The following GRIK2 variants were observed in gnomAD, a reference collection of about 807,000 sequenced individuals.
GRIK2 encodes the protein glutamate ionotropic receptor kainate type subunit 2.
In GRIK2, 32 loss-of-function variants were observed where a neutral mutation model predicts 100.3. That is an observed-to-expected ratio of 0.32 (90% CI 0.24 to 0.43). The LOEUF (loss-of-function observed/expected upper bound fraction) is 0.43, where lower values mean the gene tolerates loss of function less well. GRIK2 is among the 20% of genes least tolerant of loss of function. The pLI is 1.00. For synonymous variants in GRIK2, 417 were observed against 389.4 expected (o/e 1.07, Z -0.83); for missense variants, 843 against 1,114.9 (o/e 0.76, Z 3.47).
intron 10 of GRIK2, among the ~76,000 whole-genome samples, chr6:101,846,007 GT>G (rs141274825): frequency 5.7e-4 from 83 of 146,154 alleles, no homozygotes; most frequent in Non-Finnish European, 9.4e-4. Context: ...AAACAGCATT[GT>G]TTTTTTTTTG....
intron 16 of GRIK2, among the ~76,000 whole-genome samples, chr6:102,059,353 T>C (rs1419279774): frequency 1.3e-5 from 2 of 151,320 alleles, no homozygotes; most frequent in Non-Finnish European, 3.0e-5. Context: ...CATCTGAATG[T>C]GTCTGAAAAG....
intron 7 of GRIK2, among the ~76,000 whole-genome samples, chr6:101,771,328 C>T (rs551303518): frequency 1.3e-4 from 20 of 151,518 alleles, no homozygotes; most frequent in African/African-American, 4.6e-4. Flanking sequence ...ATTTAAATTT[C>T]TATTTGAATT....
Position 101,453,484 on chromosome 6 carries a change from C to T in GRIK2, c.115+54092C>T, listed in dbSNP as rs73502688. Among the ~76,000 whole-genome samples the T allele has an allele frequency of 5.5e-3, 837 of 151,954 alleles. 10 individuals are homozygous for T. Among genetic ancestry groups the T allele is most frequent in the African/African-American group, 0.019 (768 of 41,474 alleles). On this transcript the variant is annotated intron_variant, in intron 2 of 16. Transcript: ENST00000369134. Reference sequence around the variant, plus strand: ...AAATATTCATGTTATGCTCTTATTACGGTTTAGAGAAATGTGAAACCATTT... The same window carrying T: ...AAATATTCATGTTATGCTCTTATTATGGTTTAGAGAAATGTGAAACCATTT...
intron 12 of GRIK2, among the ~76,000 whole-genome samples, chr6:101,908,459 T>G (rs915520680): frequency 2.0e-5 from 3 of 151,294 alleles, no homozygotes; most frequent in African/African-American, 7.3e-5. Flanking sequence ...TTGTAGTCAA[T>G]TTACCTATTC....
intron 2 of GRIK2, among the ~76,000 whole-genome samples, chr6:101,434,666 A>T (rs1769613664): frequency 6.6e-6 from 1 of 152,040 alleles, no homozygotes; most frequent in Admixed American, 6.6e-5. Context: ...CTGGAATGAG[A>T]CCAATCCTTT....
chr6:101,497,907 T>C (rs922822949), intron 2 of GRIK2, among the ~76,000 whole-genome samples: 36 of 151,996 alleles, frequency 2.4e-4, no homozygotes, highest in Non-Finnish European at 4.7e-4. Context: ...AGGGAACATA[T>C]GCACAATGTG....
Position 101,509,467 on chromosome 6 carries a change from A to G in GRIK2, c.115+110075A>G, listed in dbSNP as rs910690676. Among the ~76,000 whole-genome samples the G allele has an allele frequency of 3.9e-5, 6 of 152,312 alleles. No homozygotes were observed. The East Asian group carries it at 5.8e-4, about 15-fold the overall frequency. On this transcript the variant is annotated intron_variant, in intron 2 of 16. Coordinates refer to ENST00000369134, the MANE Select transcript of GRIK2 (RefSeq NM_021956.5). ...GAAAGTGTTTCAAGACAGCTCTCCA[A>G]TTCAACTCATAGAAAATATCTTTTG...
At chr6:101,664,770 CT>C (rs1302234710) in intron 4 of GRIK2, among the ~76,000 whole-genome samples, 1 of 152,126 alleles carries the variant, frequency 6.6e-6, no homozygotes, top group African/African-American at 2.4e-5. Context: ...GTTTAATGGA[CT>C]CACAGATGAC....
chr6:101,897,387 C>A (rs190936549), intron 12 of GRIK2, among the ~76,000 whole-genome samples: 2 of 151,572 alleles, frequency 1.3e-5, no homozygotes, highest in African/African-American at 2.4e-5. Flanking sequence ...TTTTTCATAG[C>A]GGCAGAATAC....
At chr6:101,531,678 A>G (rs1452623604) in intron 2 of GRIK2, among the ~76,000 whole-genome samples, 1 of 151,930 alleles carries the variant, frequency 6.6e-6, no homozygotes, top group African/African-American at 2.4e-5. Flanking sequence ...TAAATCAAGG[A>G]TTATGACACT....
intron 11 of GRIK2, among the ~76,000 whole-genome samples, chr6:101,883,849 A>G (rs1461838082): frequency 6.6e-6 from 1 of 152,162 alleles, no homozygotes; most frequent in Non-Finnish European, 1.5e-5. Context: ...CAGAAGAATG[A>G]TGGAACTAAT....
At chr6:101,697,122 A>G (rs1772545131) in intron 7 of GRIK2, among the ~76,000 whole-genome samples, 1 of 152,014 alleles carries the variant, frequency 6.6e-6, no homozygotes, top group Non-Finnish European at 1.5e-5. Context: ...GTGGGTTGTC[A>G]TAAGGATCAA....
chr6:101,742,247 G>A (rs150124404), intron 7 of GRIK2, among the ~76,000 whole-genome samples: 90 of 152,346 alleles, frequency 5.9e-4, no homozygotes, highest in East Asian at 1.9e-3. Flanking sequence ...CAAGTTTGCA[G>A]CAGAGAAAGA....
At chr6:101,396,254 C>CG (rs71276573) in intron 1 of GRIK2, among the ~76,000 whole-genome samples, 2 of 147,800 alleles carry the variant, frequency 1.4e-5, no homozygotes, top group Non-Finnish European at 3.0e-5. Flanking sequence ...CCCCCCCCCC[C>CG]AGGAAGTGAG....
At chr6:101,567,979 G>A (rs569683465) in intron 2 of GRIK2, among the ~76,000 whole-genome samples, 3 of 151,932 alleles carry the variant, frequency 2.0e-5, no homozygotes, top group South Asian at 2.1e-4. Flanking sequence ...TAGATGTAAA[G>A]CATAATTTAA....
At chr6:101,539,211 T>C (rs1775869602) in intron 2 of GRIK2, among the ~76,000 whole-genome samples, 1 of 151,736 alleles carries the variant, frequency 6.6e-6, no homozygotes, top group South Asian at 2.1e-4. Context: ...TAGCAAATTT[T>C]ACCTTTCAGT....
intron 14 of GRIK2, among the ~76,000 whole-genome samples, chr6:102,000,590 T>C (rs1458501700): frequency 6.6e-6 from 1 of 152,162 alleles, no homozygotes; most frequent in Non-Finnish European, 1.5e-5. Flanking sequence ...GTTATCCATA[T>C]TATTTTTAGT....
intron 7 of GRIK2, among the ~76,000 whole-genome samples, chr6:101,773,628 T>A (rs77844632): frequency 0.036 from 5,502 of 152,272 alleles, 146 homozygotes; most frequent in Non-Finnish European, 0.055. Context: ...ATTGATATTA[T>A]CAGTTGTTAA....
At chr6:101,998,812 C>CTTTTTTTT (rs755522043) in intron 14 of GRIK2, among the ~76,000 whole-genome samples, 36 of 110,072 alleles carry the variant, frequency 3.3e-4, no homozygotes, top group East Asian at 5.4e-4. Flanking sequence ...TTTTTCTTTT[C>CTTTTTTTT]TTTTTTTTTT....
Sources: gnomAD v4.1 joint callset for allele counts (sites outside exome capture counted in the v4.1 genomes callset) on GRCh38, gnomAD v4.1.1 for gene constraint, MANE v1.5 for transcripts, NCBI Gene and HGNC (gene_info 2026-07-23, HGNC 2026-07-21) for gene names.